GRIK2: variants seen among roughly 807,000 people sequenced by gnomAD.
GRIK2 encodes glutamate ionotropic receptor kainate type subunit 2, also known as glutamate receptor ionotropic, kainate 2.
A neutral mutation model predicts 100.3 loss-of-function variants in GRIK2; 32 were observed. The ratio of observed to expected loss-of-function variants is 0.32; its 90% confidence interval spans 0.24 to 0.43. The LOEUF (loss-of-function observed/expected upper bound fraction) is 0.43, where lower values mean the gene tolerates loss of function less well. Ranked by LOEUF, GRIK2 falls within the 20% of genes least tolerant of loss-of-function variation. GRIK2 has a pLI of 1.00. For synonymous variants in GRIK2, 417 were observed against 389.4 expected (o/e 1.07, Z -0.83); for missense variants, 843 against 1,114.9 (o/e 0.76, Z 3.47).
At chr6:101,984,613 A>AC (rs1191903803) in intron 14 of GRIK2, among the ~76,000 whole-genome samples, 4 of 127,240 alleles carry the variant, frequency 3.1e-5, no homozygotes, top group Non-Finnish European at 5.0e-5. Flanking sequence ...ATACACATTA[A>AC]AACACACACA....
intron 7 of GRIK2, among the ~76,000 whole-genome samples, chr6:101,724,365 T>C (rs1371727778): frequency 6.6e-6 from 1 of 151,848 alleles, no homozygotes; most frequent in Admixed American, 6.6e-5. Context: ...CTTCTGGTAG[T>C]TTCCTGTATC....
intron 4 of GRIK2, among the ~76,000 whole-genome samples, chr6:101,659,968 A>G (rs1384270241): frequency 2.6e-5 from 4 of 151,952 alleles, no homozygotes; most frequent in Non-Finnish European, 5.9e-5. Context: ...CTCTTCTCGA[A>G]GAGTATCTTT....
intron 5 of GRIK2, among the ~76,000 whole-genome samples, chr6:101,678,406 A>T (rs1461581696): frequency 1.3e-5 from 2 of 152,184 alleles, no homozygotes; most frequent in East Asian, 3.8e-4. Flanking sequence ...ATGTAATTTT[A>T]ACAAGGTCAG....
rs187954122 is a variant in GRIK2, at chr6:102,067,836, T to C, written c.2563-511T>C. Among the ~76,000 whole-genome samples the C allele has an allele frequency of 2.0e-3, 306 of 152,012 alleles. 1 individual carries two copies. The highest frequency in any genetic ancestry group is 7.2e-3 in the African/African-American group (301 of 41,528). On this transcript the variant is annotated intron_variant, in intron 16 of 16. Coordinates refer to ENST00000369134, the MANE Select transcript of GRIK2 (RefSeq NM_021956.5). ...AAAAGACATAATGAAATGCCAGAAA[T>C]TGTTTTCCATATTTTATGTCTGTGT...
At chr6:101,797,477 A>T (rs568129633) in intron 7 of GRIK2, among the ~76,000 whole-genome samples, 1 of 151,082 alleles carries the variant, frequency 6.6e-6, no homozygotes, top group East Asian at 1.9e-4. Context: ...ATTTTTTATT[A>T]TACTATTATT....
intron 7 of GRIK2, chr6:101,745,247 G>C (rs781704949): frequency 9.9e-5 from 15 of 152,084 alleles, no homozygotes; most frequent in Non-Finnish European, 1.8e-4. Context: ...ATATAAACCT[G>C]ATCTAGATTT....
At chr6:102,063,712 A>C (rs1336589064) in intron 16 of GRIK2, among the ~76,000 whole-genome samples, 1 of 150,134 alleles carries the variant, frequency 6.7e-6, no homozygotes, top group African/African-American at 2.4e-5. Context: ...CCTGTGGACT[A>C]TTTATGTATT....
At chr6:101,487,154 G>A (rs761034719) in intron 2 of GRIK2, among the ~76,000 whole-genome samples, 2 of 146,566 alleles carry the variant, frequency 1.4e-5, no homozygotes, top group Admixed American at 1.4e-4. Flanking sequence ...CAAATGTTTA[G>A]TAATAAGTAA....
intron 14 of GRIK2, among the ~76,000 whole-genome samples, chr6:101,966,335 T>C (rs1792673171): frequency 6.6e-6 from 1 of 152,120 alleles, no homozygotes; most frequent in African/African-American, 2.4e-5. Flanking sequence ...AGGTGTGTCC[T>C]GAGAAGTGAT....
intron 2 of GRIK2, among the ~76,000 whole-genome samples, chr6:101,399,945 G>A (rs1444085152): frequency 6.6e-6 from 1 of 152,212 alleles, no homozygotes; most frequent in Non-Finnish European, 1.5e-5. Flanking sequence ...AGTCCCTGGT[G>A]CCCTTACTGG....
chr6:101,938,660 A>C (rs542392710), intron 14 of GRIK2, among the ~76,000 whole-genome samples: 1 of 152,166 alleles, frequency 6.6e-6, no homozygotes, highest in African/African-American at 2.4e-5. Context: ...GTACTTTAAT[A>C]ATTTTATAAA....
At chr6:101,873,233 T>G (rs1785551944) in intron 11 of GRIK2, among the ~76,000 whole-genome samples, 1 of 146,980 alleles carries the variant, frequency 6.8e-6, no homozygotes, top group African/African-American at 2.5e-5. Flanking sequence ...CTCCTAATGC[T>G]ATCCCTCCCC....
intron 7 of GRIK2, among the ~76,000 whole-genome samples, chr6:101,709,155 A>T (rs1054105542): frequency 6.6e-6 from 1 of 151,810 alleles, no homozygotes; most frequent in African/African-American, 2.4e-5. Context: ...GGAGAACACA[A>T]GGTAAAATGG....
chr6:101,845,226 C>T (rs1028361664), intron 10 of GRIK2, among the ~76,000 whole-genome samples: 10 of 152,170 alleles, frequency 6.6e-5, no homozygotes, highest in African/African-American at 2.4e-4. Context: ...CTATGTTGCC[C>T]AAGTGGGTCC....
At chr6:101,829,176 T>C (rs1489026520) in intron 10 of GRIK2, among the ~76,000 whole-genome samples, 1 of 151,994 alleles carries the variant, frequency 6.6e-6, no homozygotes, top group Non-Finnish European at 1.5e-5. Context: ...GTCATCTGAA[T>C]AGATGCAGAA....
chr6:101,517,522 A>T (rs1562195429), intron 2 of GRIK2, among the ~76,000 whole-genome samples: 1 of 151,386 alleles, frequency 6.6e-6, no homozygotes, highest in Non-Finnish European at 1.5e-5. Flanking sequence ...GAGATAATTA[A>T]TTTTTTTTTA....
intron 14 of GRIK2, among the ~76,000 whole-genome samples, chr6:102,014,106 G>A (rs559919526): frequency 2.6e-5 from 4 of 152,144 alleles, no homozygotes; most frequent in African/African-American, 9.6e-5. Flanking sequence ...ATTAAATTTT[G>A]GAGTTCATTA....
intron 12 of GRIK2, among the ~76,000 whole-genome samples, chr6:101,901,308 A>G (rs1787832559): frequency 6.6e-6 from 1 of 152,002 alleles, no homozygotes; most frequent in South Asian, 2.1e-4. Flanking sequence ...ATGTATATTG[A>G]TAGCCAGTGA....
At chr6:102,064,800 A>G (rs1771935104) in intron 16 of GRIK2, among the ~76,000 whole-genome samples, 1 of 151,212 alleles carries the variant, frequency 6.6e-6, no homozygotes, top group African/African-American at 2.4e-5. Context: ...AAACAAAAAG[A>G]AAAGAATGTA....
Sources: gnomAD v4.1 joint callset for allele counts (sites outside exome capture counted in the v4.1 genomes callset) on GRCh38, gnomAD v4.1.1 for gene constraint, MANE v1.5 for transcripts, NCBI Gene and HGNC (gene_info 2026-07-23, HGNC 2026-07-21) for gene names.